The following MMP26 variants were observed in gnomAD, a reference collection of about 807,000 sequenced individuals.
MMP26 encodes matrix metallopeptidase 26.
In MMP26, 33 loss-of-function variants were observed where a neutral mutation model predicts 31.0. The observed-to-expected ratio is 1.06, with a 90% CI of 0.81 to 1.42. MMP26 has a LOEUF of 1.42. Ranked by LOEUF, MMP26 falls within the 40% of genes most tolerant of loss-of-function variation. MMP26 has a pLI of 0.00. For missense variants in MMP26, 347 were observed against 316.1 expected (o/e 1.10, Z -0.74); for synonymous variants, 122 against 114.9 (o/e 1.06, Z -0.40).
intron 4 of MMP26, among the ~76,000 whole-genome samples, chr11:4,990,120 C>T (rs1055696262): frequency 1.3e-5 from 2 of 152,090 alleles, no homozygotes; most frequent in African/African-American, 4.8e-5. Flanking sequence ...AATTTTAATG[C>T]GTGAGTGTGT....
chr11:4,823,406 A>G (rs1283031192), intron 2 of MMP26, among the ~76,000 whole-genome samples: 2 of 152,126 alleles, frequency 1.3e-5, no homozygotes, highest in Non-Finnish European at 2.9e-5. Context: ...AAACAACATT[A>G]ACAACCAAGA....
At chr11:4,812,893 G>A (rs1849368395) in intron 2 of MMP26, among the ~76,000 whole-genome samples, 1 of 151,886 alleles carries the variant, frequency 6.6e-6, no homozygotes, top group African/African-American at 2.4e-5. Context: ...TTTAGCTTCT[G>A]GGCTTAACTT....
intron 2 of MMP26, among the ~76,000 whole-genome samples, chr11:4,835,203 G>GACACACACACACACACACACACACAC (rs3064937): frequency 9.8e-5 from 14 of 143,124 alleles, no homozygotes; most frequent in African/African-American, 3.5e-4. Context: ...CTCTCTTTCT[G>GACACACACACACACACACACACACAC]ACACACACAC....
chr11:4,819,624 G>T (rs958382344), intron 2 of MMP26, among the ~76,000 whole-genome samples: 2 of 126,030 alleles, frequency 1.6e-5, no homozygotes, highest in African/African-American at 6.4e-5. Flanking sequence ...TGTCACTCAG[G>T]CTGGAGTACA....
chr11:4,859,638 C>A, intron 2 of MMP26: 1 of 452,512 alleles, frequency 2.2e-6, no homozygotes, highest in Non-Finnish European at 4.6e-6. Context: ...GCCTCTGGAA[C>A]ACTTGAAAGA....
chr11:4,712,902 C>T (rs1847880316), intron 1 of MMP26, among the ~76,000 whole-genome samples: 1 of 151,810 alleles, frequency 6.6e-6, no homozygotes, highest in South Asian at 2.1e-4. Flanking sequence ...ATGGTCTATA[C>T]ATTTTGCTTT....
chr11:4,849,055 TG>T, intron 2 of MMP26: 1 of 1,613,936 alleles, frequency 6.2e-7, no homozygotes, highest in Non-Finnish European at 8.5e-7. Context: ...CAGAGGATGG[TG>T]CCATTTCCCA....
intron 2 of MMP26, chr11:4,860,652 T>G (rs1850141043): frequency 5.5e-6 from 2 of 361,982 alleles, no homozygotes; most frequent in Non-Finnish European, 1.1e-5. Context: ...GACAGAACAA[T>G]GGCTTTATGA....
intron 2 of MMP26, among the ~76,000 whole-genome samples, chr11:4,933,220 T>G (rs1467204907): frequency 6.6e-6 from 1 of 152,088 alleles, no homozygotes; most frequent in Non-Finnish European, 1.5e-5. Flanking sequence ...TGACTCTATA[T>G]ATGTTATCTC....
At chr11:4,848,454 AGGTGG>A in intron 2 of MMP26, 3 of 1,613,872 alleles carry the variant, frequency 1.9e-6, no homozygotes, top group Non-Finnish European at 2.5e-6. Flanking sequence ...CACTGCAGAG[AGGTGG>A]GCAGCACAGG....
At chr11:4,770,934 T>A (rs1848707952) in intron 2 of MMP26, among the ~76,000 whole-genome samples, 1 of 152,024 alleles carries the variant, frequency 6.6e-6, no homozygotes, top group South Asian at 2.1e-4. Context: ...TAGTAAGGAT[T>A]AAAAAATTCA....
At chr11:4,836,597 A>G (rs1008477105) in intron 2 of MMP26, among the ~76,000 whole-genome samples, 13 of 150,922 alleles carry the variant, frequency 8.6e-5, no homozygotes, top group African/African-American at 2.9e-4. Flanking sequence ...TATTGTAACA[A>G]TTTTAGAAAA....
At chr11:4,723,001 C>G in intron 1 of MMP26, 1 of 884,310 alleles carries the variant, frequency 1.1e-6, no homozygotes, top group East Asian at 2.4e-5. Flanking sequence ...CCTCGCCATC[C>G]AGCAGCTTCC....
chr11:4,928,360 T>G (rs1851301951), intron 2 of MMP26, among the ~76,000 whole-genome samples: 1 of 152,142 alleles, frequency 6.6e-6, no homozygotes, highest in African/African-American at 2.4e-5. Flanking sequence ...AATACACATG[T>G]AGTTTGAGTC....
chr11:4,739,445 G>T (rs748814379), intron 1 of MMP26, among the ~76,000 whole-genome samples: 9 of 152,092 alleles, frequency 5.9e-5, no homozygotes, highest in Non-Finnish European at 7.4e-5. Flanking sequence ...AGCCAATCTG[G>T]TAGTGCTTTG....
intron 2 of MMP26, chr11:4,770,006 T>C: frequency 1.5e-6 from 1 of 687,542 alleles, no homozygotes; most frequent in Non-Finnish European, 2.5e-6. Context: ...TTTAGATACA[T>C]TTTCTTTTAG....
chr11:4,882,298 C>A (rs768616687), intron 2 of MMP26: 2 of 1,614,004 alleles, frequency 1.2e-6, no homozygotes, highest in South Asian at 1.1e-5. Context: ...ACCCACTGAA[C>A]TATGCTACTA....
intron 2 of MMP26, among the ~76,000 whole-genome samples, chr11:4,849,651 G>A (rs1053689474): frequency 3.3e-5 from 5 of 152,016 alleles, no homozygotes; most frequent in African/African-American, 1.2e-4. Context: ...CACTTTAACT[G>A]TTCTTATTAA....
chr11:4,806,474 TA>T (rs1490006388), intron 2 of MMP26, among the ~76,000 whole-genome samples: 1 of 152,218 alleles, frequency 6.6e-6, no homozygotes, highest in Non-Finnish European at 1.5e-5. Context: ...TACCATTATG[TA>T]ATGGGCTTCT....
Sources: allele counts gnomAD v4.1 joint callset (sites outside exome capture counted in the v4.1 genomes callset), GRCh38; gene constraint gnomAD v4.1.1; transcripts MANE v1.5; gene names NCBI Gene and HGNC (gene_info 2026-07-23, HGNC 2026-07-21).